The following MIB1 variants were observed in gnomAD, a reference collection of about 807,000 sequenced individuals.
The protein encoded by MIB1 is MIB E3 ubiquitin protein ligase 1, also known as E3 ubiquitin-protein ligase MIB1.
In MIB1, 278 loss-of-function variants were observed where a neutral mutation model predicts 124.5. The ratio of observed to expected loss-of-function variants is 2.23; its 90% CI spans 2.02 to 2.47. The LOEUF (loss-of-function observed/expected upper bound fraction) is 2.47. Among genes scored for constraint, MIB1 ranks in the 30% most tolerant of loss-of-function variants. MIB1 has a pLI of 0.00. For missense variants in MIB1, 957 were observed against 1,254.4 expected (o/e 0.76, Z 3.58); for synonymous variants, 446 against 429.4 (o/e 1.04, Z -0.48).
intron 10 of MIB1, among the ~76,000 whole-genome samples, chr18:21,806,016 C>T (rs1156567544): frequency 6.8e-6 from 1 of 146,908 alleles, no homozygotes; most frequent in African/African-American, 2.5e-5. Flanking sequence ...GATTGTTGTG[C>T]CTCAGCCTCC....
At position 21,724,723 on chromosome 18, in the gene MIB1, AAAAAATATATATATATATAT is replaced by A. The variant is rs1468606943; in HGVS notation, n.167+19602_167+19621del. On this transcript the variant is annotated intron_variant and non_coding_transcript_variant, in intron 1 of 20. Coordinates refer to the MIB1 transcript ENST00000578646. ...CTGTCTCCCCCATCCAAAAAAAAAA[AAAAAATATATATATATATAT>A]ATATATATATATATATATATATATA... Among the ~76,000 whole-genome samples, 13 of 53,856 alleles carry A rather than the reference AAAAAATATATATATATATAT, an allele frequency of 2.4e-4. 1 individual carries two copies. Among genetic ancestry groups the A allele is most frequent in the East Asian group, 5.1e-4 (1 of 1,948 alleles). 35.3% of individuals were successfully genotyped at this position (53,856 alleles called of 152,430 possible).
chr18:21,856,559 C>T (rs568759267), intron 18 of MIB1, among the ~76,000 whole-genome samples: 2 of 151,850 alleles, frequency 1.3e-5, no homozygotes, highest in African/African-American at 2.4e-5. Context: ...TTATCATGTC[C>T]GGGGGTGTTG....
intron 1 of MIB1, among the ~76,000 whole-genome samples, chr18:21,721,873 G>A (rs986988739): frequency 4.6e-5 from 7 of 152,192 alleles, no homozygotes; most frequent in African/African-American, 1.7e-4. Context: ...TTACTGTGGA[G>A]TGTTGGTCAA....
chr18:21,728,272 TG>T (rs1185131142), intron 1 of MIB1, among the ~76,000 whole-genome samples: 2 of 152,108 alleles, frequency 1.3e-5, no homozygotes. Context: ...GTGGGCGGCT[TG>T]GCTGAGGTCA....
At chr18:21,743,671 C>A (rs945965220) in intron 1 of MIB1, among the ~76,000 whole-genome samples, 6 of 152,056 alleles carry the variant, frequency 3.9e-5, no homozygotes, top group African/African-American at 1.4e-4. Context: ...TTGTTACCTG[C>A]AGCCTTGAAG....
At chr18:21,777,615 C>T (rs566797869) in intron 4 of MIB1, among the ~76,000 whole-genome samples, 50 of 152,088 alleles carry the variant, frequency 3.3e-4, no homozygotes, top group African/African-American at 1.2e-3. Context: ...AGTGCAGTGG[C>T]GTGACCTCAG....
At chr18:21,736,462 C>T (rs2040797492), upstream of MIB1, among the ~76,000 whole-genome samples, 1 of 152,156 alleles carries the variant, frequency 6.6e-6, no homozygotes, top group Non-Finnish European at 1.5e-5. Context: ...TCGTCTCCTT[C>T]AAAGGATCAC....
chr18:21,721,266 C>T (rs1407010371), intron 1 of MIB1, among the ~76,000 whole-genome samples: 6 of 135,252 alleles, frequency 4.4e-5, no homozygotes, highest in South Asian at 5.1e-4. Flanking sequence ...CTGCAATATC[C>T]GCCTCCCAGA....
intron 1 of MIB1, among the ~76,000 whole-genome samples, chr18:21,725,062 T>A (rs2040735175): frequency 7.8e-6 from 1 of 128,736 alleles, no homozygotes; most frequent in Non-Finnish European, 1.5e-5. Context: ...GCCACTGCAC[T>A]CCAGCCTGGG....
chr18:21,777,327 T>C (rs1219233383), intron 4 of MIB1, among the ~76,000 whole-genome samples: 2 of 150,076 alleles, frequency 1.3e-5, no homozygotes, highest in Non-Finnish European at 3.0e-5. Flanking sequence ...GACTGAGGCA[T>C]GAGAATCGCT....
At chr18:21,750,361 T>C (rs993391249) in intron 1 of MIB1, among the ~76,000 whole-genome samples, 3 of 151,858 alleles carry the variant, frequency 2.0e-5, no homozygotes, top group Admixed American at 1.3e-4. Context: ...GGAGTCTCGC[T>C]CTGTCGTCCA....
chr18:21,845,770 C>G (rs1396391854), intron 15 of MIB1, among the ~76,000 whole-genome samples: 3 of 152,024 alleles, frequency 2.0e-5, no homozygotes, highest in African/African-American at 2.4e-5. Context: ...ATTGCAGGTG[C>G]ACACCACCAC....
At chr18:21,829,024 T>C in intron 12 of MIB1, 1 of 481,370 alleles carries the variant, frequency 2.1e-6, no homozygotes. Flanking sequence ...AATACATACT[T>C]CTTTACATTC....
Position 21,761,226 on chromosome 18 carries a change from G to GTT in MIB1, c.230-4533_230-4532dup, listed in dbSNP as rs11393243. Among the ~76,000 whole-genome samples, 225 of 141,124 alleles carry GTT rather than the reference G, an allele frequency of 1.6e-3. 3 individuals are homozygous for GTT. The highest frequency in any genetic ancestry group is 0.01 in the South Asian group (45 of 4,446). The allele number at this position is 141,124 out of a possible 152,430, so 92.6% of individuals were successfully genotyped here. A position where few individuals can be genotyped will look rare whatever the true frequency, so the allele number is the denominator to read the frequency against. On this transcript the variant is annotated intron_variant, in intron 1 of 20. Coordinates refer to ENST00000261537, the MANE Select transcript of MIB1 (RefSeq NM_020774.4). ...AAACTATTCTCGGTCACACAAAGTG[G>GTT]TTTTTTTTTTTTTTAAGGTAAATTG... is the stretch of plus-strand genomic sequence containing the variant.
chr18:21,759,951 C>G (rs1008663042), intron 1 of MIB1, among the ~76,000 whole-genome samples: 4 of 152,148 alleles, frequency 2.6e-5, no homozygotes, highest in Non-Finnish European at 4.4e-5. Context: ...AATACTTCAG[C>G]TATACAAATT....
intron 9 of MIB1, among the ~76,000 whole-genome samples, chr18:21,802,587 C>CT (rs1242611090): frequency 1.3e-5 from 2 of 152,098 alleles, no homozygotes; most frequent in African/African-American, 4.8e-5. Flanking sequence ...AATGATAGGT[C>CT]TTTATAAGAA....
At chr18:21,736,113 C>G (rs2076757573), upstream of MIB1, among the ~76,000 whole-genome samples, 1 of 152,228 alleles carries the variant, frequency 6.6e-6, no homozygotes, top group African/African-American at 2.4e-5. Flanking sequence ...CGACAGACAC[C>G]TCATACAGGA....
intron 18 of MIB1, among the ~76,000 whole-genome samples, chr18:21,853,897 C>T (rs189043943): frequency 2.1e-3 from 319 of 150,962 alleles, no homozygotes; most frequent in African/African-American, 7.4e-3. Context: ...CACAGTCTCG[C>T]TCTGTCACCT....
In MIB1 at chr18:21,799,952, T is replaced by C. The variant is rs995007189; in HGVS notation, c.1349T>C (p.Leu450Ser). The C allele has an allele frequency of 6.2e-7, 1 of 1,611,884 alleles. No homozygotes were observed. The highest frequency in any genetic ancestry group is 8.5e-7 in the Non-Finnish European group (1 of 1,178,504). Residue 450 changes from leucine to serine, a missense_variant, in exon 9 of 21, where the codon TTG (leucine) becomes TCG (serine). Leu to Ser is a moderately radical substitution (Grantham distance 145, BLOSUM62 -2). Transcript: ENST00000261537. ...GGAGATGTTGCTAAAGTGGAAGATTTGCTTAAAAGACCAGATGTGGATGTG... is the reference window on the plus strand; with the variant it reads ...GGAGATGTTGCTAAAGTGGAAGATTCGCTTAAAAGACCAGATGTGGATGTG... ...ANGDVAKVED[L>S]LKRPDVDVNG...
Sources: allele counts gnomAD v4.1 joint callset (sites outside exome capture counted in the v4.1 genomes callset), GRCh38; gene constraint gnomAD v4.1.1; transcripts MANE v1.5; gene names NCBI Gene and HGNC (gene_info 2026-07-23, HGNC 2026-07-21).